PIK3C3: variants seen among roughly 807,000 people sequenced by gnomAD.
PIK3C3 encodes the protein phosphatidylinositol 3-kinase catalytic subunit type 3, also known as PI3-kinase type 3.
A neutral mutation model predicts 126.1 loss-of-function variants in PIK3C3; 95 were observed. The observed-to-expected ratio is 0.75, with a 90% CI of 0.64 to 0.89. The LOEUF is 0.89. Among genes scored for constraint, PIK3C3 ranks in the 40% least tolerant of loss-of-function variants. The pLI is 0.00. For synonymous variants in PIK3C3, 374 were observed against 360.0 expected (o/e 1.04, Z -0.44); for missense variants, 829 against 1,063.2 (o/e 0.78, Z 3.06).
At chr18:42,001,762 A>G (rs1294243137) in intron 9 of PIK3C3, among the ~76,000 whole-genome samples, 1 of 152,212 alleles carries the variant, frequency 6.6e-6, no homozygotes, top group Non-Finnish European at 1.5e-5. Context: ...AATTGAGTAC[A>G]TCGGCATGCT....
chr18:42,025,248 A>G (rs1447306113), intron 13 of PIK3C3: 1 of 152,296 alleles, frequency 6.6e-6, no homozygotes, highest in Non-Finnish European at 1.5e-5. Flanking sequence ...CTGCATAAAC[A>G]CAGGAAAAGC....
At chr18:41,969,291 G>A (rs1191992704) in intron 3 of PIK3C3, among the ~76,000 whole-genome samples, 1 of 152,044 alleles carries the variant, frequency 6.6e-6, no homozygotes, top group East Asian at 1.9e-4. Context: ...TGCTGTTTGA[G>A]TAGACTTTAT....
In PIK3C3 at chr18:41,955,245, C is replaced by A; in HGVS notation, c.-47C>A. 6.6e-7 allele frequency: 1 copy of A among 1,519,914 alleles called. No individual in the cohort carries two copies. Among genetic ancestry groups the A allele is most frequent in the South Asian group, 1.1e-5 (1 of 88,106 alleles). 94.2% of individuals were successfully genotyped at this position (1,519,914 alleles called of 1,614,324 possible). A position where few individuals can be genotyped will look rare whatever the true frequency, so the allele number is the denominator to read the frequency against. The stretch of plus-strand genomic sequence containing the variant: ...CAGCTGGTTCATTTATGTTGTTTTT[C>A]CTGTACCTAAGTTCCCGCTGTAGGT... On this transcript the variant is annotated 5_prime_UTR_variant, in exon 1 of 25. Coordinates refer to ENST00000262039, the MANE Select transcript of PIK3C3 (RefSeq NM_002647.4).
At chr18:41,992,174 A>G (rs1277768984) in intron 6 of PIK3C3, among the ~76,000 whole-genome samples, 1 of 152,134 alleles carries the variant, frequency 6.6e-6, no homozygotes, top group Non-Finnish European at 1.5e-5. Flanking sequence ...CTGTCTACCC[A>G]CCCTGTCATA....
chr18:42,073,196 A>C (rs1985848152), intron 24 of PIK3C3, among the ~76,000 whole-genome samples: 1 of 152,200 alleles, frequency 6.6e-6, no homozygotes, highest in Non-Finnish European at 1.5e-5. Context: ...GGAACATAGC[A>C]CTGCTGTCCA....
At chr18:42,067,355 T>C (rs1985584267) in intron 23 of PIK3C3, 33 bp from the exon 24 acceptor site, 2 of 1,607,834 alleles carry the variant, frequency 1.2e-6, no homozygotes, top group Admixed American at 1.7e-5. Flanking sequence ...CCTATTTTTC[T>C]TCGTTGTAAA....
At chr18:42,018,594 G>A (rs1983181429) in intron 12 of PIK3C3, among the ~76,000 whole-genome samples, 1 of 151,898 alleles carries the variant, frequency 6.6e-6, no homozygotes, top group African/African-American at 2.4e-5. Flanking sequence ...TGAAAGCATT[G>A]GCACATCTAC....
rs577655490 is a variant in PIK3C3, at chr18:42,043,424, G to A, written c.2104-309G>A. Among the ~76,000 whole-genome samples the A allele has an allele frequency of 2.6e-5, 4 of 152,118 alleles. No homozygotes were observed. In the South Asian group the frequency reaches 8.3e-4, roughly 32 times the overall value. On this transcript the variant is annotated intron_variant, in intron 19 of 24. Coordinates refer to ENST00000262039, the MANE Select transcript of PIK3C3 (RefSeq NM_002647.4). ...CTCATTTTTTAATAGTACGTTAATCGTATTTTCAGATAATATGCTCTGTGG... is the reference window on the plus strand; with the variant it reads ...CTCATTTTTTAATAGTACGTTAATCATATTTTCAGATAATATGCTCTGTGG...
chr18:42,036,363 T>C (rs1984049751), intron 16 of PIK3C3, among the ~76,000 whole-genome samples: 1 of 152,294 alleles, frequency 6.6e-6, no homozygotes, highest in Middle Eastern at 3.4e-3. Flanking sequence ...TTCATCCATC[T>C]ATATGATGTT....
At chr18:42,079,996 A>C (rs1248588454) in intron 24 of PIK3C3, among the ~76,000 whole-genome samples, 1 of 135,620 alleles carries the variant, frequency 7.4e-6, no homozygotes, top group Non-Finnish European at 1.5e-5. Flanking sequence ...TGTAAGAGAG[A>C]GAGTGTGTGT....
At chr18:41,979,341 C>T (rs1489925628) in intron 4 of PIK3C3, among the ~76,000 whole-genome samples, 3 of 152,240 alleles carry the variant, frequency 2.0e-5, no homozygotes, top group Non-Finnish European at 2.9e-5. Flanking sequence ...AACTCTCATT[C>T]GGAAATGGGC....
intron 24 of PIK3C3, among the ~76,000 whole-genome samples, chr18:42,073,267 C>G (rs1231911379): frequency 1.3e-5 from 2 of 152,164 alleles, no homozygotes; most frequent in African/African-American, 4.8e-5. Flanking sequence ...CACGTCTAGG[C>G]AGAGAGACAC....
chr18:42,015,535 C>T lies in PIK3C3; in HGVS notation c.1385C>T (p.Thr462Ile). The T allele has an allele frequency of 6.2e-7, 1 of 1,613,700 alleles. No homozygotes were observed. Among genetic ancestry groups the T allele is most frequent in the Non-Finnish European group, 8.5e-7 (1 of 1,179,806 alleles). The part of the protein sequence containing the change: ...SVSSPPPASK[T>I]KEVPDGENLE... ...TCTTCACCTCCTCCTGCATCAAAAA[C>T]AAAAGAAGTTCCAGATGGCGAAAAT... Residue 462 changes from threonine to isoleucine, a missense_variant, in exon 12 of 25, where the codon ACA becomes ATA. Thr to Ile is a moderately conservative substitution (Grantham distance 89, BLOSUM62 -1). Around this residue, in one of 4 missense-constraint regions of PIK3C3, gnomAD observed 256 missense variants for 291.0 expected, o/e 0.88. Transcript: ENST00000262039.
intron 24 of PIK3C3, among the ~76,000 whole-genome samples, chr18:42,080,350 A>G (rs1215501232): frequency 6.6e-6 from 1 of 152,194 alleles, no homozygotes; most frequent in East Asian, 1.9e-4. Flanking sequence ...TCACATTTGT[A>G]CATGTACACA....
At chr18:42,010,352 C>T (rs1461794623) in intron 10 of PIK3C3, among the ~76,000 whole-genome samples, 2 of 152,084 alleles carry the variant, frequency 1.3e-5, no homozygotes, top group African/African-American at 4.8e-5. Context: ...TCTGCATTTA[C>T]TTCCTCCACT....
chr18:41,957,747 T>C lies in PIK3C3; in HGVS notation c.246T>C (p.Ser82=). 6.2e-7 allele frequency: 1 copy of C among 1,609,928 alleles called. No individual in the cohort carries two copies. The highest frequency in any genetic ancestry group is 8.5e-7 in the Non-Finnish European group (1 of 1,178,800). ...LPVRTSYKAF[S]TRWNWNEWLK... ...TGAGAACATCCTACAAAGCATTTAG[T>C]ACAAGATGGAAGTAAGTTTTTTTGT... The change falls in exon 2 of 25, where the codon AGT becomes AGC. Residue 82 remains serine, a synonymous_variant. Coordinates refer to ENST00000262039, the MANE Select transcript of PIK3C3 (RefSeq NM_002647.4).
At chr18:42,038,691 A>G (rs1984171748) in intron 17 of PIK3C3, 90 bp from the exon 18 acceptor site, 1 of 767,380 alleles carries the variant, frequency 1.3e-6, no homozygotes, top group South Asian at 1.7e-5. Context: ...CTAAATCTTT[A>G]TTACATTAAA....
At chr18:41,992,884 C>T (rs1427760777) in intron 6 of PIK3C3, among the ~76,000 whole-genome samples, 2 of 152,120 alleles carry the variant, frequency 1.3e-5, no homozygotes, top group South Asian at 2.1e-4. Flanking sequence ...TGATGCAACA[C>T]ATCCATTGTG....
Position 41,962,568 on chromosome 18 carries a change from G to A in PIK3C3, c.337G>A (p.Val113Met), listed in dbSNP as rs577698388. The change falls in exon 3 of 25, where the codon GTG becomes ATG. Residue 113 changes from valine (V) to methionine (M), a missense_variant. Val to Met is a conservative substitution (Grantham distance 21, BLOSUM62 1). Around this residue, in one of 4 missense-constraint regions of PIK3C3, gnomAD observed 313 missense variants for 340.7 expected, o/e 0.92. Transcript: ENST00000262039. The stretch of plus-strand genomic sequence containing the variant: ...CCAAGTGGCCCTCACCATATGGGAT[G>A]TGTATGGTCCCGGAAAAGCAGTGCC... The part of the protein sequence containing the change: ...NAQVALTIWD[V>M]YGPGKAVPVG... The A allele has an allele frequency of 1.5e-5, 25 of 1,613,564 alleles. No individual in the cohort carries two copies. Among genetic ancestry groups the A allele is most frequent in the Non-Finnish European group, 2.1e-5 (25 of 1,179,648 alleles).
Sources: allele counts gnomAD v4.1 joint callset (sites outside exome capture counted in the v4.1 genomes callset), GRCh38; gene constraint gnomAD v4.1.1; regional missense constraint gnomAD v4.1.1; transcripts MANE v1.5; gene names NCBI Gene and HGNC (gene_info 2026-07-23, HGNC 2026-07-21).